GRM7: variants seen among roughly 807,000 people sequenced by gnomAD.
The protein encoded by GRM7 is metabotropic glutamate receptor 7.
Under a neutral mutation model 84.5 loss-of-function variants are expected in GRM7, and 35 were observed. The ratio of observed to expected loss-of-function variants is 0.41; its 90% CI spans 0.32 to 0.55. GRM7 has a LOEUF of 0.55. GRM7 is among the 20% of genes least tolerant of loss of function. The probability of loss-of-function intolerance (pLI) is 0.19; values close to 1 mark genes in which losing one functional copy is unlikely to be tolerated. For missense variants in GRM7, 1,003 were observed against 1,194.6 expected (o/e 0.84, Z 2.36); for synonymous variants, 487 against 455.1 (o/e 1.07, Z -0.89).
intron 5 of GRM7, among the ~76,000 whole-genome samples, chr3:7,421,236 G>T (rs1009659788): frequency 6.6e-6 from 1 of 152,104 alleles, no homozygotes; most frequent in Admixed American, 6.6e-5. Flanking sequence ...GAAGCATAGC[G>T]CCACCTATGT....
chr3:6,983,562 AT>A (rs138458776), intron 1 of GRM7, among the ~76,000 whole-genome samples: 9,781 of 152,142 alleles, frequency 0.064, 1,047 homozygotes, highest in African/African-American at 0.22. Context: ...GTTCCTAATA[AT>A]TTTCTTACAT....
At chr3:7,357,295 G>T (rs6803602) in intron 4 of GRM7, among the ~76,000 whole-genome samples, 41,953 of 151,772 alleles carry the variant, frequency 0.28, 6,000 homozygotes, top group South Asian at 0.38. Flanking sequence ...AAAGCAGCTT[G>T]TAAGGCTCCA....
chr3:7,489,196 G>A (rs1240488072), intron 7 of GRM7, among the ~76,000 whole-genome samples: 1 of 152,030 alleles, frequency 6.6e-6, no homozygotes, highest in Non-Finnish European at 1.5e-5. Context: ...TTTACAACAT[G>A]ACCCAAATAC....
chr3:7,087,291 C>CTT (rs1698491697), intron 1 of GRM7, among the ~76,000 whole-genome samples: 1 of 152,020 alleles, frequency 6.6e-6, no homozygotes, highest in Admixed American at 6.6e-5. Context: ...ATCTTAATTA[C>CTT]ATTATAGTAC....
chr3:7,564,176 G>C (rs1414944267), intron 7 of GRM7, among the ~76,000 whole-genome samples: 1 of 152,158 alleles, frequency 6.6e-6, no homozygotes, highest in Non-Finnish European at 1.5e-5. Flanking sequence ...ACTCTCCAAT[G>C]GGAGCAAGGT....
At chr3:7,463,148 G>A (rs1234428031) in intron 7 of GRM7, among the ~76,000 whole-genome samples, 14 of 152,114 alleles carry the variant, frequency 9.2e-5, no homozygotes, top group Admixed American at 8.5e-4. Flanking sequence ...TGGTACATAG[G>A]TGAAGTGCTC....
At chr3:6,926,408 A>T (rs895160400) in intron 1 of GRM7, among the ~76,000 whole-genome samples, 1 of 152,250 alleles carries the variant, frequency 6.6e-6, no homozygotes, top group Admixed American at 6.5e-5. Context: ...AGTACTGAGC[A>T]TTATTACCTG....
intron 1 of GRM7, among the ~76,000 whole-genome samples, chr3:6,978,462 C>T (rs191351325): frequency 2.2e-4 from 34 of 152,222 alleles, no homozygotes; most frequent in Admixed American, 3.9e-4. Context: ...AGCAAGGGCA[C>T]TGGAAATTAT....
At chr3:6,876,896 C>T (rs1187910572) in intron 1 of GRM7, among the ~76,000 whole-genome samples, 3 of 152,096 alleles carry the variant, frequency 2.0e-5, no homozygotes, top group Non-Finnish European at 4.4e-5. Context: ...GCCACCAACC[C>T]CGGCCTACCA....
intron 4 of GRM7, among the ~76,000 whole-genome samples, chr3:7,327,655 G>C (rs9311986): frequency 0.43 from 64,849 of 152,074 alleles, 13,900 homozygotes; most frequent in Middle Eastern, 0.49. Flanking sequence ...GCAGTTGGAT[G>C]ACTTGATTTT....
intron 5 of GRM7, among the ~76,000 whole-genome samples, chr3:7,440,870 C>T (rs1697259290): frequency 1.3e-5 from 2 of 152,018 alleles, no homozygotes; most frequent in African/African-American, 2.4e-5. Flanking sequence ...TGTATATGTA[C>T]TACATTTTCT....
At chr3:7,313,251 T>C (rs1194294207) in intron 4 of GRM7, among the ~76,000 whole-genome samples, 1 of 152,044 alleles carries the variant, frequency 6.6e-6, no homozygotes, top group Non-Finnish European at 1.5e-5. Flanking sequence ...TTTAATGTTA[T>C]CATGTGAGGA....
chr3:7,434,479 T>C (rs1439859138), intron 5 of GRM7, among the ~76,000 whole-genome samples: 2 of 152,206 alleles, frequency 1.3e-5, no homozygotes, highest in African/African-American at 4.8e-5. Context: ...TTCCATTTTC[T>C]TTGCTGAGTT....
rs1267924097 is a variant in GRM7, at chr3:7,261,949, T to A, written c.737-36735T>A. ...TCCTTCCCTCCTTCCCTCCTTCCTT[T>A]CTTTGTTTTCTTTCTTCTTTCTTTC... On this transcript the variant is annotated intron_variant, in intron 2 of 9. Coordinates refer to ENST00000357716, the MANE Select transcript of GRM7 (RefSeq NM_000844.4). 2.2e-5 allele frequency among the ~76,000 whole-genome samples: 3 copies of A among 136,792 alleles called. No individual in the cohort carries two copies. In the East Asian group the frequency reaches 7.7e-4, roughly 35 times the overall value. The allele number at this position is 136,792 out of a possible 152,430, so 89.7% of individuals were successfully genotyped here.
intron 1 of GRM7, among the ~76,000 whole-genome samples, chr3:6,879,946 G>A (rs1294607931): frequency 1.3e-5 from 2 of 152,138 alleles, no homozygotes; most frequent in African/African-American, 2.4e-5. Context: ...GTTGCAAGAC[G>A]GCTACTGAAT....
intron 7 of GRM7, among the ~76,000 whole-genome samples, chr3:7,572,250 T>A (rs1476560066): frequency 2.6e-5 from 4 of 152,198 alleles, no homozygotes; most frequent in Non-Finnish European, 5.9e-5. Context: ...CATACTGAAA[T>A]CACCTGAGAA....
At chr3:6,949,014 G>T (rs1221650139) in intron 1 of GRM7, among the ~76,000 whole-genome samples, 11 of 152,068 alleles carry the variant, frequency 7.2e-5, no homozygotes, top group Non-Finnish European at 1.3e-4. Context: ...TATCCAATTT[G>T]CCAGTCTGTG....
chr3:7,534,070 A>C (rs1231199496), intron 7 of GRM7, among the ~76,000 whole-genome samples: 2 of 144,730 alleles, frequency 1.4e-5, no homozygotes, highest in African/African-American at 5.2e-5. Context: ...GCTGGAGTGC[A>C]GTAGCACAAT....
chr3:7,542,065 T>G (rs1020684643), intron 7 of GRM7, among the ~76,000 whole-genome samples: 2 of 152,158 alleles, frequency 1.3e-5, no homozygotes, highest in Admixed American at 1.3e-4. Context: ...TATTTTCTCT[T>G]TTTATGAGGA....
Sources: gnomAD v4.1 joint callset for allele counts (sites outside exome capture counted in the v4.1 genomes callset) on GRCh38, gnomAD v4.1.1 for gene constraint, MANE v1.5 for transcripts, NCBI Gene and HGNC (gene_info 2026-07-23, HGNC 2026-07-21) for gene names.